NECTIN1: variants seen among roughly 807,000 people sequenced by gnomAD.
The protein encoded by NECTIN1 is nectin-1.
In NECTIN1, 23 loss-of-function variants were observed where a neutral mutation model predicts 48.0. The observed-to-expected ratio is 0.48, with a 90% CI of 0.34 to 0.68. NECTIN1 has a LOEUF of 0.68. Ranked by LOEUF, NECTIN1 falls within the 30% of genes least tolerant of loss-of-function variation. The pLI is 0.01. For synonymous variants in NECTIN1, 270 were observed against 288.9 expected (o/e 0.93, Z 0.66); for missense variants, 591 against 709.9 (o/e 0.83, Z 1.90).
At chr11:119,640,843 G>C (rs544703651) in intron 5 of NECTIN1, 3 of 152,212 alleles carry the variant, frequency 2.0e-5, no homozygotes, top group South Asian at 2.1e-4. Flanking sequence ...AGCGTGGAGT[G>C]GGGGGTAGGG....
exon 8 of NECTIN1, chr11:119,638,195 T>C (rs1440273969): frequency 6.2e-7 from 1 of 1,614,092 alleles, no homozygotes; most frequent in Admixed American, 1.7e-5. Flanking sequence ...GGACAGCTTC[T>C]GCAAGTCCTC....
At position 119,689,715 on chromosome 11, in the gene NECTIN1, G is replaced by A. The variant is rs151123355; in HGVS notation, c.80-10950C>T. Reference sequence around the variant, plus strand: ...GGGCCACTGGAGCAACATTGGGATGGAGGGCTCTCGACCCCATCCCCTCGA... The same window carrying A: ...GGGCCACTGGAGCAACATTGGGATGAAGGGCTCTCGACCCCATCCCCTCGA... On this transcript the variant is annotated intron_variant, in intron 1 of 5. Transcript: ENST00000264025. Among the ~76,000 whole-genome samples the A allele has an allele frequency of 1.5e-3, 232 of 152,328 alleles. 1 individual carries two copies. The highest frequency in any genetic ancestry group is 6.8e-3 in the Middle Eastern group (2 of 294).
At position 119,709,709 on chromosome 11, in the gene NECTIN1, C is replaced by T. The variant is rs1865604113; in HGVS notation, c.79+18766G>A. Among the ~76,000 whole-genome samples, 1 of 152,128 alleles carries T rather than the reference C, an allele frequency of 6.6e-6. No individual in the cohort carries two copies. Among genetic ancestry groups the T allele is most frequent in the South Asian group, 2.1e-4 (1 of 4,826 alleles). On this transcript the variant is annotated intron_variant, in intron 1 of 5. Transcript: ENST00000264025. The surrounding 1 kb of genome is among the most constrained non-coding windows in gnomAD (Gnocchi z 4.1). ...AGTGATGCTCGGGGACTCCCCAACT[C>T]TCAGGCAGGGAACAGCTTTATTTTA...
At chr11:119,648,352 GTGGTGATGCTGGTGATGGTGGTGA>G (rs1864439277) in intron 5 of NECTIN1, among the ~76,000 whole-genome samples, 1 of 47,986 alleles carries the variant, frequency 2.1e-5, no homozygotes. Flanking sequence ...GATGCTGGTG[GTGGTGATGCTGGTGATGGTGGTGA>G]TGGTGGTGGT....
At chr11:119,639,803 C>T (rs1054646067) in intron 6 of NECTIN1, 78 of 1,609,976 alleles carry the variant, frequency 4.8e-5, no homozygotes, top group Middle Eastern at 1.7e-4. Context: ...AAGTCTGGGG[C>T]TCCCAGGGTG....
chr11:119,685,435 C>T lies in NECTIN1; in HGVS notation c.80-6670G>A, dbSNP rs745440470. On this transcript the variant is annotated intron_variant, in intron 1 of 5. Coordinates refer to ENST00000264025, the MANE Select transcript of NECTIN1 (RefSeq NM_002855.5). ...GGCAGCGCAGGAGCCCAGGATCTTC[C>T]AGACAGGCCAGGCTGGCCCTGCTCT... Among the ~76,000 whole-genome samples, 89 of 152,332 alleles carry T rather than the reference C, an allele frequency of 5.8e-4. No individual in the cohort carries two copies. The Middle Eastern group carries it at 0.017, about 29-fold the overall frequency.
At chr11:119,649,218 AAC>A (rs1321261859) in intron 5 of NECTIN1, among the ~76,000 whole-genome samples, 2 of 152,110 alleles carry the variant, frequency 1.3e-5, no homozygotes, top group East Asian at 1.9e-4. Flanking sequence ...GTCTCAACTA[AAC>A]ACACAAAAAA....
chr11:119,680,163 T>A (rs1037608911), intron 1 of NECTIN1, among the ~76,000 whole-genome samples: 1 of 152,212 alleles, frequency 6.6e-6, no homozygotes, highest in African/African-American at 2.4e-5. Flanking sequence ...GGTTGTGTTA[T>A]CCCCTTTAGA....
intron 1 of NECTIN1, among the ~76,000 whole-genome samples, chr11:119,686,591 A>G (rs983239317): frequency 7.9e-5 from 12 of 152,128 alleles, no homozygotes; most frequent in Non-Finnish European, 1.6e-4. Context: ...TATCTTGGGC[A>G]TCCCCAACCT....
chr11:119,643,483 T>C (rs1294074255), intron 5 of NECTIN1, among the ~76,000 whole-genome samples: 1 of 152,208 alleles, frequency 6.6e-6, no homozygotes, highest in African/African-American at 2.4e-5. Flanking sequence ...CTGTGTGCTG[T>C]TCTCCCTGCC....
intron 5 of NECTIN1, chr11:119,642,275 T>G (rs1324018900): frequency 2.6e-5 from 4 of 152,090 alleles, no homozygotes; most frequent in Non-Finnish European, 5.9e-5. Flanking sequence ...TCAGTTTCCC[T>G]GGACACAACT....
rs1555076842 is a variant in NECTIN1, at chr11:119,663,029, G to GGGGGGA, written c.*1717_*1718insTCCCCC. ...AATAGCAGCACCAGGGAGGGGAGGGGAGGGGTTGGGGGGCTCCCTTAGGAA... is the reference window on the plus strand; with the variant it reads ...AATAGCAGCACCAGGGAGGGGAGGGGGGGGGAAGGGGTTGGGGGGCTCCCTTAGGAA... On this transcript the variant is annotated 3_prime_UTR_variant, in exon 6 of 6. Coordinates refer to ENST00000264025, the MANE Select transcript of NECTIN1 (RefSeq NM_002855.5). 2.1e-6 allele frequency: 2 copies of GGGGGGA among 950,248 alleles called. No individual in the cohort carries two copies. The highest frequency in any genetic ancestry group is 3.6e-5 in the African/African-American group (2 of 56,302). 58.9% of individuals were successfully genotyped at this position (950,248 alleles called of 1,614,324 possible).
At chr11:119,668,618 T>A (rs1864815908) in intron 5 of NECTIN1, among the ~76,000 whole-genome samples, 1 of 152,222 alleles carries the variant, frequency 6.6e-6, no homozygotes, top group Admixed American at 6.5e-5. Flanking sequence ...TCAGGAGCCT[T>A]CTCTTCTCCA....
chr11:119,710,910 G>A (rs151287665), intron 1 of NECTIN1, among the ~76,000 whole-genome samples: 2 of 152,252 alleles, frequency 1.3e-5, no homozygotes, highest in African/African-American at 2.4e-5. Context: ...ACACATAACC[G>A]CAGACCTTCC....
chr11:119,645,358 G>C (rs574409170), intron 5 of NECTIN1, among the ~76,000 whole-genome samples: 1 of 152,132 alleles, frequency 6.6e-6, no homozygotes, highest in African/African-American at 2.4e-5. Context: ...AGACTCCAGC[G>C]GTCTCACTGC....
At chr11:119,703,908 C>G (rs1358379895) in intron 1 of NECTIN1, among the ~76,000 whole-genome samples, 1 of 152,224 alleles carries the variant, frequency 6.6e-6, no homozygotes, top group Non-Finnish European at 1.5e-5. Context: ...TCGGAACTGG[C>G]ACACAGGTGC....
At position 119,683,633 on chromosome 11, in the gene NECTIN1, G is replaced by C. The variant is rs1336369879; in HGVS notation, c.80-4868C>G. ...GTGGGCACTTGCAGGAGGCTGCTAT[G>C]TGCTGAGCAATAAGAGCTAGAGAGG... On this transcript the variant is annotated intron_variant, in intron 1 of 5. Coordinates refer to ENST00000264025, the MANE Select transcript of NECTIN1 (RefSeq NM_002855.5). This position sits in a 1 kb window ranked among gnomAD's most constrained non-coding sequence, Gnocchi z 4.0. Among the ~76,000 whole-genome samples, 1 of 151,726 alleles carries C rather than the reference G, an allele frequency of 6.6e-6. No individual in the cohort carries two copies. The highest frequency in any genetic ancestry group is 1.5e-5 in the Non-Finnish European group (1 of 67,978).
At chr11:119,711,319 G>T (rs1865641824) in intron 1 of NECTIN1, among the ~76,000 whole-genome samples, 1 of 151,986 alleles carries the variant, frequency 6.6e-6, no homozygotes, top group Non-Finnish European at 1.5e-5. Flanking sequence ...GAACCCAGGA[G>T]GCAGAGATTG....
At chr11:119,693,703 G>A (rs956824937) in intron 1 of NECTIN1, among the ~76,000 whole-genome samples, 1 of 152,156 alleles carries the variant, frequency 6.6e-6, no homozygotes, top group Non-Finnish European at 1.5e-5. Context: ...CACGCAGGGG[G>A]CTCCAACACA....
Sources: allele counts gnomAD v4.1 joint callset (sites outside exome capture counted in the v4.1 genomes callset), GRCh38; gene constraint gnomAD v4.1.1; non-coding constraint Gnocchi (gnomAD v3.1); transcripts MANE v1.5; gene names NCBI Gene and HGNC (gene_info 2026-07-23, HGNC 2026-07-21).